Variants in TMEM132C observed in about 807,000 individuals in gnomAD.
TMEM132C encodes protein phosphatase 1, regulatory subunit 152.
Under a neutral mutation model 61.4 loss-of-function variants are expected in TMEM132C, and 29 were observed. The observed-to-expected ratio is 0.47, with a 90% confidence interval of 0.35 to 0.64. TMEM132C has a LOEUF of 0.64. Ranked by LOEUF, TMEM132C falls within the 30% of genes least tolerant of loss-of-function variation. The pLI, the probability that TMEM132C is intolerant of heterozygous loss-of-function variation, is 0.00. For synonymous variants in TMEM132C, 656 were observed against 633.1 expected, an observed-to-expected ratio of 1.04 and a Z score of -0.54; for missense variants, 1,408 against 1,476.9, an observed-to-expected ratio of 0.95 and a Z score of 0.76.
intron 4 of TMEM132C, among the ~76,000 whole-genome samples, chr12:128,661,323 A>G (rs1484321868): frequency 6.6e-6 from 1 of 152,214 alleles, no homozygotes; most frequent in East Asian, 1.9e-4. Context: ...AGTCACATCT[A>G]CAAAATCCCA....
At chr12:128,312,860 A>G (rs976585022) in intron 1 of TMEM132C, among the ~76,000 whole-genome samples, 3 of 152,244 alleles carry the variant, frequency 2.0e-5, no homozygotes, top group Non-Finnish European at 4.4e-5. Flanking sequence ...AGTGAAATCA[A>G]TGATGGTTTC....
intron 4 of TMEM132C, among the ~76,000 whole-genome samples, chr12:128,622,214 C>T (rs113990256): frequency 2.7e-5 from 4 of 150,586 alleles, no homozygotes; most frequent in Non-Finnish European, 5.9e-5. Flanking sequence ...CATGGCAGCA[C>T]GTGCCTGTAT....
chr12:128,415,693 A>G lies in TMEM132C; in HGVS notation c.974+73A>G. The G allele has an allele frequency of 7.0e-7, 1 of 1,430,486 alleles. No individual in the cohort carries two copies. Among genetic ancestry groups the G allele is most frequent in the Non-Finnish European group, 9.3e-7 (1 of 1,079,228 alleles). 88.6% of individuals were successfully genotyped at this position (1,430,486 alleles called of 1,614,324 possible). A position where few individuals can be genotyped will look rare whatever the true frequency, so the allele number is the denominator to read the frequency against. On this transcript the variant is annotated intron_variant, in intron 2 of 8. Transcript: ENST00000435159. This position sits in a 1 kb window ranked among gnomAD's most constrained non-coding sequence, Gnocchi z 5.8. ...AGACTGGGTTCCATGCGTGGCAGAT[A>G]GATATTCAGGAAGCATCGATTTTCA... is the stretch of plus-strand genomic sequence containing the variant.
intron 3 of TMEM132C, among the ~76,000 whole-genome samples, chr12:128,573,818 GA>G (rs1874990031): frequency 6.7e-6 from 1 of 149,108 alleles, no homozygotes; most frequent in African/African-American, 2.5e-5. Context: ...TACTGCCACT[GA>G]ACTGTACCCT....
chr12:128,627,195 G>A (rs1191369246), intron 4 of TMEM132C, among the ~76,000 whole-genome samples: 1 of 152,124 alleles, frequency 6.6e-6, no homozygotes, highest in African/African-American at 2.4e-5. Context: ...TGCCTGATCT[G>A]ATTTTTGGCA....
At position 128,389,186 on chromosome 12, in the gene TMEM132C, C is replaced by T. The variant is rs73159820; in HGVS notation, c.86-25546C>T. On this transcript the variant is annotated intron_variant, in intron 1 of 8. Coordinates refer to ENST00000435159, the MANE Select transcript of TMEM132C (RefSeq NM_001136103.3). The stretch of plus-strand genomic sequence containing the variant: ...TCATTCATTCCATACTTAGTAAGCA[C>T]GCCCAAATTCCAGATACTGATCTGG... 9.1e-3 allele frequency among the ~76,000 whole-genome samples: 1,386 copies of T among 152,280 alleles called. 10 individuals carry two copies. Among genetic ancestry groups the T allele is most frequent in the Non-Finnish European group, 0.013 (867 of 68,032 alleles).
intron 2 of TMEM132C, among the ~76,000 whole-genome samples, chr12:128,433,245 G>C (rs1869456503): frequency 6.6e-6 from 1 of 152,050 alleles, no homozygotes; most frequent in South Asian, 2.1e-4. Flanking sequence ...TTATTTCACT[G>C]GTCTAGAACC....
At chr12:128,587,356 G>A (rs535800392) in intron 3 of TMEM132C, among the ~76,000 whole-genome samples, 1 of 152,210 alleles carries the variant, frequency 6.6e-6, no homozygotes, top group South Asian at 2.1e-4. Flanking sequence ...CCTCTCTCTC[G>A]AATCTCATCT....
intron 2 of TMEM132C, among the ~76,000 whole-genome samples, chr12:128,441,023 A>G (rs1056978434): frequency 6.6e-6 from 1 of 152,218 alleles, no homozygotes; most frequent in African/African-American, 2.4e-5. Context: ...CATGGGCGAC[A>G]AGAGCGAAAC....
At chr12:128,435,220 T>G (rs578183090) in intron 2 of TMEM132C, among the ~76,000 whole-genome samples, 1 of 152,318 alleles carries the variant, frequency 6.6e-6, no homozygotes, top group African/African-American at 2.4e-5. Flanking sequence ...ACATGTCCAT[T>G]GTTTAAACCA....
At chr12:128,580,485 AG>A (rs1383855825) in intron 3 of TMEM132C, among the ~76,000 whole-genome samples, 1 of 152,228 alleles carries the variant, frequency 6.6e-6, no homozygotes, top group Non-Finnish European at 1.5e-5. Context: ...ATAGCCTGGC[AG>A]GTATTAATAA....
At chr12:128,521,319 ATG>A (rs1555229471) in intron 2 of TMEM132C, among the ~76,000 whole-genome samples, 1,248 of 21,620 alleles carry the variant, frequency 0.058, 16 homozygotes, top group South Asian at 0.29. Context: ...ATATATATAT[ATG>A]TGTGTGTGTG....
chr12:128,358,493 TTGTGTG>T (rs58748919), intron 1 of TMEM132C, among the ~76,000 whole-genome samples: 21 of 145,010 alleles, frequency 1.4e-4, no homozygotes, highest in Middle Eastern at 3.6e-3. Flanking sequence ...ACTTTTAAAA[TTGTGTG>T]TGTGTGTGTG....
chr12:128,470,392 G>A (rs1378630476), intron 2 of TMEM132C, among the ~76,000 whole-genome samples: 8 of 152,102 alleles, frequency 5.3e-5, no homozygotes, highest in East Asian at 1.9e-4. Context: ...TGGTTCTGTC[G>A]CTCAGGCAGT....
At chr12:128,293,048 G>A (rs11059630) in intron 1 of TMEM132C, among the ~76,000 whole-genome samples, 34,883 of 150,220 alleles carry the variant, frequency 0.23, 4,563 homozygotes, top group East Asian at 0.5. Flanking sequence ...TTTGAAAGCC[G>A]GACAGCAAGA....
intron 5 of TMEM132C, among the ~76,000 whole-genome samples, chr12:128,680,306 G>A (rs76175868): frequency 0.035 from 5,370 of 152,216 alleles, 291 homozygotes; most frequent in African/African-American, 0.12. Flanking sequence ...GCCCAAAGCC[G>A]CACAGCTGAT....
At chr12:128,413,223 C>T (rs1349788569) in intron 1 of TMEM132C, among the ~76,000 whole-genome samples, 6 of 128,742 alleles carry the variant, frequency 4.7e-5, no homozygotes, top group East Asian at 2.7e-4. Flanking sequence ...GGTGTGAACC[C>T]GGGAGGCGGA....
At chr12:128,343,897 C>G (rs1171542420) in intron 1 of TMEM132C, among the ~76,000 whole-genome samples, 1 of 152,138 alleles carries the variant, frequency 6.6e-6, no homozygotes, top group Non-Finnish European at 1.5e-5. Context: ...AAACTTCATA[C>G]AACACAATAT....
intron 1 of TMEM132C, among the ~76,000 whole-genome samples, chr12:128,359,003 C>T (rs1287156951): frequency 1.3e-5 from 2 of 152,306 alleles, no homozygotes; most frequent in Middle Eastern, 3.4e-3. Context: ...CACATCAACA[C>T]ATCCAGTGCT....
Sources: allele counts gnomAD v4.1 joint callset (sites outside exome capture counted in the v4.1 genomes callset), GRCh38; gene constraint gnomAD v4.1.1; non-coding constraint Gnocchi (gnomAD v3.1); transcripts MANE v1.5; gene names NCBI Gene and HGNC (gene_info 2026-07-23, HGNC 2026-07-21).